The following KATNAL2 variants were observed in gnomAD, a reference collection of about 807,000 sequenced individuals.
The protein encoded by KATNAL2 is katanin catalytic subunit A1 like 2.
In KATNAL2, 52 loss-of-function variants were observed where a neutral mutation model predicts 76.3. That is an observed-to-expected ratio of 0.68 (90% CI 0.55 to 0.86). The LOEUF (loss-of-function observed/expected upper bound fraction) is 0.86, where lower values mean the gene tolerates loss of function less well. Ranked by LOEUF, KATNAL2 falls within the 40% of genes least tolerant of loss-of-function variation. The pLI is 0.00. For missense variants in KATNAL2, 660 were observed against 668.9 expected (o/e 0.99, Z 0.15); for synonymous variants, 243 against 244.2 (o/e 1.00, Z 0.05).
At chr18:47,032,260 T>C (rs1484748513) in intron 3 of KATNAL2, among the ~76,000 whole-genome samples, 1 of 152,258 alleles carries the variant, frequency 6.6e-6, no homozygotes, top group Non-Finnish European at 1.5e-5. Flanking sequence ...ATAGCAGTTT[T>C]CTTTGAGCCA....
intron 15 of KATNAL2, among the ~76,000 whole-genome samples, chr18:47,093,733 A>G (rs2063109210): frequency 6.6e-6 from 1 of 151,172 alleles, no homozygotes; most frequent in Admixed American, 6.6e-5. Context: ...CTGGATTCGA[A>G]CTCCTGGGCT....
intron 3 of KATNAL2, among the ~76,000 whole-genome samples, chr18:47,036,995 G>T (rs2060800747): frequency 6.6e-6 from 1 of 152,264 alleles, no homozygotes; most frequent in African/African-American, 2.4e-5. Context: ...ACCTTTTAGG[G>T]GAATATTAGA....
intron 1 of KATNAL2, among the ~76,000 whole-genome samples, chr18:46,924,011 C>G (rs1054976242): frequency 1.3e-5 from 2 of 152,002 alleles, no homozygotes; most frequent in Non-Finnish European, 2.9e-5. Context: ...AAAATTTTCT[C>G]CCATTCTGTA....
At chr18:47,056,209 A>T (rs1023488974) in intron 6 of KATNAL2, among the ~76,000 whole-genome samples, 1 of 152,212 alleles carries the variant, frequency 6.6e-6, no homozygotes, top group Admixed American at 6.5e-5. Context: ...AATTTAATAA[A>T]ATAAGGTTTA....
rs1161903395 is a variant in KATNAL2, at chr18:46,957,553, C to CCTT, written c.51+10630_51+10631insCTT. 9.7e-4 allele frequency among the ~76,000 whole-genome samples: 59 copies of CCTT among 60,526 alleles called. 16 individuals carry two copies. The highest frequency in any genetic ancestry group is 2.1e-3 in the African/African-American group (32 of 15,100). The allele number at this position is 60,526 out of a possible 152,430, so 39.7% of individuals were successfully genotyped here. A position where few individuals can be genotyped will look rare whatever the true frequency, so the allele number is the denominator to read the frequency against. On this transcript the variant is annotated intron_variant, in intron 3 of 17. Transcript: ENST00000683218. Reference sequence around the variant, plus strand: ...ACAGGCGTGAACCACCGCGCCTGGCCTTTTTTTTTTTTTTTTTTTTTTTTT... The same window carrying CCTT: ...ACAGGCGTGAACCACCGCGCCTGGCCCTTTTTTTTTTTTTTTTTTTTTTTTTTT...
chr18:46,942,217 A>G (rs902459352), intron 1 of KATNAL2, among the ~76,000 whole-genome samples: 5 of 152,116 alleles, frequency 3.3e-5, no homozygotes, highest in Non-Finnish European at 5.9e-5. Context: ...TGTTCTCCAT[A>G]TATTTCACCT....
chr18:47,080,186 G>A (rs950729085), intron 15 of KATNAL2, among the ~76,000 whole-genome samples: 4 of 152,108 alleles, frequency 2.6e-5, no homozygotes, highest in African/African-American at 7.2e-5. Flanking sequence ...TTAGTTGTGA[G>A]TTGATGCCAC....
At chr18:46,928,765 A>G (rs1019134257) in intron 1 of KATNAL2, among the ~76,000 whole-genome samples, 1 of 152,026 alleles carries the variant, frequency 6.6e-6, no homozygotes, top group Non-Finnish European at 1.5e-5. Flanking sequence ...TTCCCAGTCA[A>G]ACCTCCCACC....
intron 1 of KATNAL2, among the ~76,000 whole-genome samples, chr18:46,934,608 C>G (rs1475349231): frequency 6.6e-6 from 1 of 152,306 alleles, no homozygotes; most frequent in Admixed American, 6.5e-5. Context: ...TGCCTGTTCA[C>G]TCTGATGCTA....
intron 3 of KATNAL2, among the ~76,000 whole-genome samples, chr18:47,045,924 A>G (rs1273563884): frequency 2.0e-5 from 3 of 152,158 alleles, no homozygotes; most frequent in African/African-American, 4.8e-5. Flanking sequence ...TTGTCCTTTT[A>G]TGGCCTCTGC....
intron 3 of KATNAL2, among the ~76,000 whole-genome samples, chr18:46,958,491 G>A (rs929500519): frequency 7.9e-5 from 12 of 152,182 alleles, no homozygotes; most frequent in Non-Finnish European, 8.8e-5. Flanking sequence ...GCGTGTGTAT[G>A]CATGTTTGTA....
intron 3 of KATNAL2, among the ~76,000 whole-genome samples, chr18:47,040,133 G>A (rs980477474): frequency 2.6e-5 from 4 of 152,190 alleles, no homozygotes; most frequent in African/African-American, 9.7e-5. Context: ...ACTACTCCTG[G>A]TACAGCAGGG....
chr18:47,032,134 G>T (rs1002554775), intron 3 of KATNAL2, among the ~76,000 whole-genome samples: 1 of 152,184 alleles, frequency 6.6e-6, no homozygotes, highest in Non-Finnish European at 1.5e-5. Flanking sequence ...TAGGGGTTCT[G>T]GGTGAAAAGT....
intron 3 of KATNAL2, among the ~76,000 whole-genome samples, chr18:46,952,695 G>A (rs56333835): frequency 0.041 from 6,243 of 152,040 alleles, 173 homozygotes; most frequent in Non-Finnish European, 0.064. Flanking sequence ...CACTGCCCCT[G>A]GCCCAGGTAT....
chr18:47,064,881 G>T (rs541958778), intron 10 of KATNAL2, among the ~76,000 whole-genome samples: 37 of 152,250 alleles, frequency 2.4e-4, no homozygotes, highest in Admixed American at 7.8e-4. Context: ...GATACAAGGA[G>T]AAACTGTCAG....
intron 1 of KATNAL2, among the ~76,000 whole-genome samples, chr18:46,925,764 C>G (rs2058708685): frequency 6.6e-6 from 1 of 152,068 alleles, no homozygotes; most frequent in Non-Finnish European, 1.5e-5. Context: ...ATTTCAGAGC[C>G]TGTTATTGGT....
chr18:46,961,553 C>A (rs2059953479), intron 3 of KATNAL2, among the ~76,000 whole-genome samples: 1 of 152,150 alleles, frequency 6.6e-6, no homozygotes, highest in Admixed American at 6.6e-5. Context: ...AATAAACTTA[C>A]AATGAGGGTT....
At chr18:46,955,221 CTT>C (rs537986715) in intron 3 of KATNAL2, among the ~76,000 whole-genome samples, 3 of 107,922 alleles carry the variant, frequency 2.8e-5, no homozygotes, top group Admixed American at 1.0e-4. Flanking sequence ...CTCTGTCTTT[CTT>C]TTTTTTTTTT....
chr18:47,034,608 G>C (rs141139225), intron 3 of KATNAL2: 8 of 1,614,042 alleles, frequency 5.0e-6, no homozygotes, highest in East Asian at 2.2e-5. Flanking sequence ...GGCTCACAAC[G>C]GCTTTCCCCT....
Sources: allele counts gnomAD v4.1 joint callset (sites outside exome capture counted in the v4.1 genomes callset), GRCh38; gene constraint gnomAD v4.1.1; transcripts MANE v1.5; gene names NCBI Gene and HGNC (gene_info 2026-07-23, HGNC 2026-07-21).